Variants in ANKRD54 observed in about 807,000 individuals in gnomAD.
ANKRD54 encodes the protein ankyrin repeat domain-containing protein 54.
In ANKRD54, 26 loss-of-function variants were observed where a neutral mutation model predicts 36.2. The observed-to-expected ratio is 0.72, with a 90% confidence interval of 0.53 to 1.00. ANKRD54 has a LOEUF of 1.00. ANKRD54 is among the 50% of genes least tolerant of loss of function. ANKRD54 has a pLI of 0.00. For synonymous variants in ANKRD54, 209 were observed against 188.4 expected, an observed-to-expected ratio of 1.11 and a Z score of -0.89; for missense variants, 384 against 424.3, an observed-to-expected ratio of 0.91 and a Z score of 0.83.
rs141873864 is a variant in ANKRD54, at chr22:37,835,836, TTTTG to T, written c.476-2085_476-2082del. 9.0e-3 allele frequency among the ~76,000 whole-genome samples: 1,368 copies of T among 152,148 alleles called. 20 individuals carry two copies. Among genetic ancestry groups the T allele is most frequent in the African/African-American group, 0.029 (1,202 of 41,516 alleles). On this transcript the variant is annotated intron_variant, in intron 3 of 7. Transcript: ENST00000215941. ...AAGAAAAAGACAGAAAACTAGTTTT[TTTTG>T]TTTGTTTGTTTGTTTTTGAGACAGA...
upstream of ANKRD54, among the ~76,000 whole-genome samples, chr22:37,846,636 T>C (rs886574481): frequency 3.9e-5 from 6 of 152,050 alleles, no homozygotes; most frequent in Non-Finnish European, 8.8e-5. Context: ...GGTCTCACTA[T>C]ATTGCCCAGG....
At chr22:37,846,940 G>A (rs1467538303), upstream of ANKRD54, among the ~76,000 whole-genome samples, 16 of 149,916 alleles carry the variant, frequency 1.1e-4, no homozygotes, top group African/African-American at 3.9e-4. Context: ...TGCAAGCTCC[G>A]CCTCCCGGGT....
chr22:37,844,242 A>G lies in ANKRD54; in HGVS notation c.-4T>C. On this transcript the variant is annotated 5_prime_UTR_variant, in exon 1 of 8. Transcript: ENST00000215941. ...CGTCCCCGGCGGCGGCTGCCATGGCAACGGCTCCGCGCGGGCCTGGCCGCC... is the reference window on the plus strand; with the variant it reads ...CGTCCCCGGCGGCGGCTGCCATGGCGACGGCTCCGCGCGGGCCTGGCCGCC... 1.9e-6 allele frequency: 3 copies of G among 1,549,048 alleles called. No individual in the cohort carries two copies. Among genetic ancestry groups the G allele is most frequent in the Non-Finnish European group, 2.6e-6 (3 of 1,157,362 alleles).
upstream of ANKRD54, among the ~76,000 whole-genome samples, chr22:37,845,415 G>A (rs1289365321): frequency 6.6e-6 from 1 of 152,164 alleles, no homozygotes; most frequent in Non-Finnish European, 1.5e-5. Flanking sequence ...TACCCCACAA[G>A]CACTTCTATA....
At position 37,830,993 on chromosome 22, in the gene ANKRD54, C is replaced by G. The variant is rs1922811299; in HGVS notation, c.*950G>C. On this transcript the variant is annotated 3_prime_UTR_variant, in exon 8 of 8. Coordinates refer to ENST00000215941, the MANE Select transcript of ANKRD54 (RefSeq NM_138797.4). Reference sequence around the variant, plus strand: ...CTGTGGGAGGATGCATTTCCTGGCTCTGAGGTGGCCTGGACTCTGTGGCTT... The same window carrying G: ...CTGTGGGAGGATGCATTTCCTGGCTGTGAGGTGGCCTGGACTCTGTGGCTT... The G allele has an allele frequency of 1.3e-5, 2 of 152,290 alleles. No homozygotes were observed. The highest frequency in any genetic ancestry group is 4.8e-5 in the African/African-American group (2 of 41,442). 9.4% of individuals were successfully genotyped at this position (152,290 alleles called of 1,614,324 possible).
At chr22:37,836,296 A>G (rs1923523553) in intron 3 of ANKRD54, among the ~76,000 whole-genome samples, 1 of 150,620 alleles carries the variant, frequency 6.6e-6, no homozygotes, top group Admixed American at 6.6e-5. Context: ...AAAATACAAA[A>G]TTAGCCGGGC....
chr22:37,833,734 C>T lies in ANKRD54; in HGVS notation c.497G>A (p.Gly166Asp), dbSNP rs754071300. Residue 166 changes from glycine to aspartate, a missense_variant, in exon 4 of 8, where the codon GGT becomes GAT. Coordinates refer to ENST00000215941, the MANE Select transcript of ANKRD54 (RefSeq NM_138797.4). ...CCCATCTCGCTGGTTAGGATCAGCA[C>T]CATGGTCCAGGAGCAGCTGCACTGG... ...DQIVQLLLDH[G>D]ADPNQRDGLG... The T allele has an allele frequency of 6.2e-7, 1 of 1,614,152 alleles. No homozygotes were observed. The highest frequency in any genetic ancestry group is 1.7e-5 in the Admixed American group (1 of 60,028).
chr22:37,836,131 G>A (rs1440019296), intron 3 of ANKRD54, among the ~76,000 whole-genome samples: 1 of 148,718 alleles, frequency 6.7e-6, no homozygotes, highest in Non-Finnish European at 1.5e-5. Context: ...ACCGCGCCCA[G>A]GCAAAACTTG....
rs749641045 is a variant in ANKRD54, at chr22:37,833,089, G to GT, written c.596-8dup. ...AGGGCATCTACACGGGCCCCTGCAG[G>GT]TACCAGCTGAGGTGAGCATTCTGGG... On this transcript the variant is annotated splice_region_variant and splice_polypyrimidine_tract_variant and intron_variant, in intron 5 of 7. Coordinates refer to ENST00000215941, the MANE Select transcript of ANKRD54 (RefSeq NM_138797.4). 1 of 1,614,108 alleles carries GT rather than the reference G, an allele frequency of 6.2e-7. No individual in the cohort carries two copies. Among genetic ancestry groups the GT allele is most frequent in the African/African-American group, 1.3e-5 (1 of 75,050 alleles).
At chr22:37,832,596 T>C in intron 7 of ANKRD54, 41 bp downstream of exon 7, 3 of 1,592,734 alleles carry the variant, frequency 1.9e-6, no homozygotes, top group Non-Finnish European at 2.6e-6. Flanking sequence ...GCCCTGAGGC[T>C]CCTGCCAGGC....
At chr22:37,842,039 C>CA (rs879366709) in intron 1 of ANKRD54, among the ~76,000 whole-genome samples, 6 of 146,862 alleles carry the variant, frequency 4.1e-5, no homozygotes, top group Non-Finnish European at 6.0e-5. Context: ...CACTCCATCT[C>CA]AAAAAAAAAG....
At chr22:37,844,338 G>A (rs754822660), upstream of ANKRD54, 33 of 1,361,872 alleles carry the variant, frequency 2.4e-5, no homozygotes, top group African/African-American at 4.0e-4. Flanking sequence ...GCGAGCTGGC[G>A]GGCGGGCAGG....
chr22:37,842,644 G>A (rs1028766631), intron 1 of ANKRD54, among the ~76,000 whole-genome samples: 2 of 152,164 alleles, frequency 1.3e-5, no homozygotes, highest in Admixed American at 1.3e-4. Context: ...CTTTGTCATC[G>A]GAGATATGGT....
intron 2 of ANKRD54, 64 bp from the exon 3 acceptor site, chr22:37,838,662 C>T: frequency 1.3e-6 from 2 of 1,519,492 alleles, no homozygotes; most frequent in Non-Finnish European, 1.8e-6. Flanking sequence ...AGCTGCAGAC[C>T]CGAGCGATGG....
At chr22:37,844,449 G>C (rs1186161678), upstream of ANKRD54, 1 of 510,982 alleles carries the variant, frequency 2.0e-6, no homozygotes, top group African/African-American at 2.0e-5. Flanking sequence ...AAACCAATCG[G>C]AAAGGGAGGG....
upstream of ANKRD54, among the ~76,000 whole-genome samples, chr22:37,846,770 A>T (rs1267572690): frequency 6.6e-6 from 1 of 152,158 alleles, no homozygotes; most frequent in Non-Finnish European, 1.5e-5. Flanking sequence ...AAATGTCATG[A>T]ACATTTTGAG....
At chr22:37,836,447 C>CAAAA (rs760828902) in intron 3 of ANKRD54, among the ~76,000 whole-genome samples, 27 of 22,606 alleles carry the variant, frequency 1.2e-3, no homozygotes, top group African/African-American at 3.1e-3. Context: ...AACTCTGTCT[C>CAAAA]AAAAAAAAAA....
At chr22:37,849,077 C>T, upstream of ANKRD54, 1 of 400,508 alleles carries the variant, frequency 2.5e-6, no homozygotes, top group East Asian at 3.9e-5. Flanking sequence ...ACCTCCGCCT[C>T]CCGGGTTCAA....
chr22:37,836,732 T>A (rs548818092), intron 3 of ANKRD54, among the ~76,000 whole-genome samples: 48 of 150,538 alleles, frequency 3.2e-4, no homozygotes, highest in Admixed American at 2.5e-3. Flanking sequence ...AACTTAAAGT[T>A]TAAAAAAAAA....
Sources: gnomAD v4.1 joint callset for allele counts (sites outside exome capture counted in the v4.1 genomes callset) on GRCh38, gnomAD v4.1.1 for gene constraint, MANE v1.5 for transcripts, NCBI Gene and HGNC (gene_info 2026-07-23, HGNC 2026-07-21) for gene names.